CEP57L1: variants seen among roughly 807,000 people sequenced by gnomAD.
The protein encoded by CEP57L1 is centrosomal protein 57 like 1.
In CEP57L1, 37 loss-of-function variants were observed where a neutral mutation model predicts 61.0. The ratio of observed to expected loss-of-function variants is 0.61; its 90% confidence interval spans 0.47 to 0.80. The LOEUF is 0.80. CEP57L1 is among the 30% of genes least tolerant of loss of function. The pLI, the probability that CEP57L1 is intolerant of heterozygous loss-of-function variation, is 0.00. For missense variants in CEP57L1, 422 were observed against 524.7 expected (o/e 0.80, Z 1.91); for synonymous variants, 137 against 162.3 (o/e 0.84, Z 1.19).
In CEP57L1 at chr6:109,159,427, G is replaced by C. The variant is rs374194764; in HGVS notation, c.981G>C (p.Leu327Phe). 3 of 1,613,442 alleles carry C rather than the reference G, an allele frequency of 1.9e-6. No individual in the cohort carries two copies. The highest frequency in any genetic ancestry group is 2.5e-6 in the Non-Finnish European group (3 of 1,179,726). Residue 327 changes from leucine to phenylalanine, a missense_variant, in exon 9 of 11, where the codon TTG becomes TTC. Coordinates refer to ENST00000517392, the MANE Select transcript of CEP57L1 (RefSeq NM_001271852.3). ...ISICDNLSEL[L>F]MAMQDELDQM... ...TTTGTGACAATTTATCTGAACTTTT[G>C]ATGGCAATGCAAGATGAGCTGGACC...
chr6:109,099,032 A>G (rs1782052057), intron 1 of CEP57L1, among the ~76,000 whole-genome samples: 1 of 152,132 alleles, frequency 6.6e-6, no homozygotes, highest in Non-Finnish European at 1.5e-5. Context: ...ATTATGGGAA[A>G]ATCTGCAGAT....
chr6:109,155,326 A>G lies in CEP57L1; in HGVS notation c.657+19A>G. ...TTCTGAGGTAAATATAGCACTATAT[A>G]ATCTATCACAGTAAACCATATATGT... On this transcript the variant is annotated intron_variant, in intron 6 of 10. Transcript: ENST00000517392. 7.7e-7 allele frequency: 1 copy of G among 1,303,438 alleles called. No individual in the cohort carries two copies. The highest frequency in any genetic ancestry group is 1.1e-6 in the Non-Finnish European group (1 of 938,110). The allele number at this position is 1,303,438 out of a possible 1,614,324, so 80.7% of individuals were successfully genotyped here. A position where few individuals can be genotyped will look rare whatever the true frequency, so the allele number is the denominator to read the frequency against.
At chr6:109,101,659 C>T (rs1337353878) in intron 1 of CEP57L1, among the ~76,000 whole-genome samples, 2 of 135,934 alleles carry the variant, frequency 1.5e-5, no homozygotes, top group Non-Finnish European at 3.0e-5. Flanking sequence ...CTCACTCTTT[C>T]GCACAGGCTG....
upstream of CEP57L1, chr6:109,095,369 A>G (rs530834605): frequency 1.3e-5 from 13 of 985,924 alleles, no homozygotes; most frequent in South Asian, 6.1e-4. Flanking sequence ...CCCTAAAAGT[A>G]GTGACGGCCT....
chr6:109,129,286 G>A, intron 1 of CEP57L1: 1 of 894,000 alleles, frequency 1.1e-6, no homozygotes, highest in Non-Finnish European at 1.5e-6. Flanking sequence ...ATTAACTTAA[G>A]CTATTCATAT....
chr6:109,103,497 A>C (rs1202380965), intron 1 of CEP57L1, among the ~76,000 whole-genome samples: 1 of 152,194 alleles, frequency 6.6e-6, no homozygotes, highest in Non-Finnish European at 1.5e-5. Context: ...ATATTTTCTG[A>C]AACACTGTCA....
chr6:109,124,733 G>A (rs1196358766), intron 1 of CEP57L1, among the ~76,000 whole-genome samples: 1 of 152,074 alleles, frequency 6.6e-6, no homozygotes, highest in African/African-American at 2.4e-5. Flanking sequence ...AAATGCCAAA[G>A]CTTGCCTAGT....
chr6:109,148,566 C>T (rs1468453031), intron 3 of CEP57L1, among the ~76,000 whole-genome samples: 2 of 152,108 alleles, frequency 1.3e-5, no homozygotes, highest in African/African-American at 4.8e-5. Flanking sequence ...GTGAATAGTG[C>T]CGCAATAAAC....
chr6:109,102,884 G>A (rs1217616925), intron 1 of CEP57L1, among the ~76,000 whole-genome samples: 3 of 152,140 alleles, frequency 2.0e-5, no homozygotes, highest in African/African-American at 7.2e-5. Context: ...ACTTTATCTG[G>A]AATGTATCAG....
At chr6:109,146,693 G>T in intron 2 of CEP57L1, 65 bp from the exon 3 acceptor site, 1 of 1,076,024 alleles carries the variant, frequency 9.3e-7, no homozygotes, top group South Asian at 1.8e-5. Flanking sequence ...TTTTTCTTAT[G>T]TTACTTTGAT....
intron 1 of CEP57L1, chr6:109,125,123 C>T (rs1268429655): frequency 6.6e-6 from 1 of 152,076 alleles, no homozygotes; most frequent in African/African-American, 2.4e-5. Flanking sequence ...AAGGGGTAAA[C>T]AATACAAGTA....
intron 1 of CEP57L1, among the ~76,000 whole-genome samples, chr6:109,117,965 A>T (rs1315696715): frequency 6.6e-6 from 1 of 152,226 alleles, no homozygotes; most frequent in Non-Finnish European, 1.5e-5. Flanking sequence ...TTGGAAACGG[A>T]TGAAAAATTG....
chr6:109,151,502 T>G lies in CEP57L1; in HGVS notation c.462+1263T>G, dbSNP rs531110938. On this transcript the variant is annotated intron_variant, in intron 4 of 10. Coordinates refer to ENST00000517392, the MANE Select transcript of CEP57L1 (RefSeq NM_001271852.3). ...ATTCCCCTTTGTGCTATAGTTTTCA[T>G]ACATTTTATTTCTGCATTTGTCATA... Among the ~76,000 whole-genome samples, 22 of 152,300 alleles carry G rather than the reference T, an allele frequency of 1.4e-4. 1 individual carries two copies. The South Asian group carries it at 4.6e-3, about 32-fold the overall frequency.
chr6:109,154,002 T>C (rs1381241671), intron 5 of CEP57L1, 53 bp downstream of exon 5: 1 of 932,816 alleles, frequency 1.1e-6, no homozygotes, highest in East Asian at 2.4e-5. Context: ...GTGTTAAGCA[T>C]AATTGGTATT....
intron 1 of CEP57L1, among the ~76,000 whole-genome samples, chr6:109,109,210 G>A (rs898267390): frequency 2.6e-5 from 4 of 152,124 alleles, no homozygotes; most frequent in African/African-American, 9.7e-5. Context: ...AGTCTGTTCT[G>A]TGGAATGCTA....
In CEP57L1 at chr6:109,148,105, T is replaced by TTTTTA. The variant is rs559715373; in HGVS notation, c.340+1186_340+1190dup. Among the ~76,000 whole-genome samples, 1,197 of 152,176 alleles carry TTTTTA rather than the reference T, an allele frequency of 7.9e-3. 19 individuals carry two copies. The highest frequency in any genetic ancestry group is 0.027 in the African/African-American group (1,140 of 41,510). ...GTAATTGACTGGTTATTATTTTGTC[T>TTTTTA]TTTTATTTTATTTTATTTTATTATT... On this transcript the variant is annotated intron_variant, in intron 3 of 10. Coordinates refer to ENST00000517392, the MANE Select transcript of CEP57L1 (RefSeq NM_001271852.3).
At chr6:109,128,444 C>A (rs1318038208) in intron 1 of CEP57L1, among the ~76,000 whole-genome samples, 1 of 152,012 alleles carries the variant, frequency 6.6e-6, no homozygotes, top group African/African-American at 2.4e-5. Context: ...TATTTTAGAC[C>A]TATATTTTTC....
At chr6:109,158,755 T>G in intron 7 of CEP57L1, 2 of 517,334 alleles carry the variant, frequency 3.9e-6, no homozygotes, top group Non-Finnish European at 7.2e-6. Flanking sequence ...CTTGCCAACA[T>G]TTGTTATTGT....
intron 1 of CEP57L1, among the ~76,000 whole-genome samples, chr6:109,123,717 A>G (rs892160501): frequency 6.6e-6 from 1 of 152,032 alleles, no homozygotes; most frequent in Non-Finnish European, 1.5e-5. Flanking sequence ...TTGACATCCT[A>G]ATTTTCTCTA....
Sources: allele counts gnomAD v4.1 joint callset (sites outside exome capture counted in the v4.1 genomes callset), GRCh38; gene constraint gnomAD v4.1.1; transcripts MANE v1.5; gene names NCBI Gene and HGNC (gene_info 2026-07-23, HGNC 2026-07-21).